Variants in FRMD3 observed in about 807,000 individuals in gnomAD.
FRMD3 encodes the protein FERM domain-containing protein 3.
FRMD3 carries 33 observed loss-of-function variants against 70.2 expected under a neutral mutation model. The observed-to-expected ratio is 0.47, with a 90% CI of 0.36 to 0.63. The LOEUF (loss-of-function observed/expected upper bound fraction) is 0.63, where lower values mean the gene tolerates loss of function less well. Ranked by LOEUF, FRMD3 falls within the 20% of genes least tolerant of loss-of-function variation. The probability of loss-of-function intolerance (pLI) is 0.00; values close to 1 mark genes in which losing one functional copy is unlikely to be tolerated. For missense variants in FRMD3, 632 were observed against 711.4 expected (o/e 0.89, Z 1.27); for synonymous variants, 279 against 255.9 (o/e 1.09, Z -0.86).
chr9:83,245,523 T>C lies in FRMD3; in HGVS notation c.*2395A>G. 1 of 973,236 alleles carries C rather than the reference T, an allele frequency of 1.0e-6. No homozygotes were observed. The highest frequency in any genetic ancestry group is 1.2e-6 in the Non-Finnish European group (1 of 818,850). The allele number at this position is 973,236 out of a possible 1,614,324, so 60.3% of individuals were successfully genotyped here. A position where few individuals can be genotyped will look rare whatever the true frequency, so the allele number is the denominator to read the frequency against. ...GTTTCCACCTAAGAGAAAAGAGATG[T>C]TAGCTGGAAATGTTAAAATAATATA... On this transcript the variant is annotated 3_prime_UTR_variant, in exon 14 of 14. Transcript: ENST00000304195.
intron 1 of FRMD3, among the ~76,000 whole-genome samples, chr9:83,400,929 A>T (rs1406866198): frequency 6.6e-6 from 1 of 152,118 alleles, no homozygotes. Context: ...ATAGTCTGTG[A>T]TCTGGAATAT....
chr9:83,491,658 C>T (rs1420498135), intron 1 of FRMD3, among the ~76,000 whole-genome samples: 3 of 152,180 alleles, frequency 2.0e-5, no homozygotes, highest in Non-Finnish European at 4.4e-5. Context: ...CACAAAAATC[C>T]TCACAGGGCC....
chr9:83,306,303 C>T lies in FRMD3; in HGVS notation c.926+3233G>A, dbSNP rs147079381. ...ACCCCCTCCCATAGGTCTGTCTGCA[C>T]GTAAAGAATGATCAACCACACCTAC... On this transcript the variant is annotated intron_variant, in intron 10 of 13. Transcript: ENST00000304195. Among the ~76,000 whole-genome samples the T allele has an allele frequency of 2.0e-3, 311 of 152,252 alleles. 1 individual carries two copies. The highest frequency in any genetic ancestry group is 7.2e-3 in the African/African-American group (299 of 41,544).
upstream of FRMD3, among the ~76,000 whole-genome samples, chr9:83,539,704 C>T (rs1399174286): frequency 3.3e-5 from 5 of 152,176 alleles, no homozygotes; most frequent in Admixed American, 6.5e-5. Context: ...GGACTTCTCT[C>T]TCTGCCTGCT....
intron 1 of FRMD3, among the ~76,000 whole-genome samples, chr9:83,494,052 C>A (rs1828887014): frequency 6.6e-6 from 1 of 152,208 alleles, no homozygotes; most frequent in Non-Finnish European, 1.5e-5. Flanking sequence ...GCTGGAAAAA[C>A]CAAATAGCCA....
At chr9:83,489,786 GTTA>G (rs1483046273) in intron 1 of FRMD3, among the ~76,000 whole-genome samples, 1 of 152,170 alleles carries the variant, frequency 6.6e-6, no homozygotes, top group Non-Finnish European at 1.5e-5. Flanking sequence ...TTTAATAGCT[GTTA>G]TTCCCTGCCA....
intron 3 of FRMD3, among the ~76,000 whole-genome samples, chr9:83,363,801 A>T (rs7869978): frequency 6.6e-6 from 1 of 151,864 alleles, no homozygotes; most frequent in Non-Finnish European, 1.5e-5. Context: ...TGATCCGCCC[A>T]CCTTGGCCTC....
At chr9:83,577,119 G>A in the FRMD3 span, among the ~76,000 whole-genome samples, 1 of 152,006 alleles carries the variant, frequency 6.6e-6, no homozygotes, top group Non-Finnish European at 1.5e-5. Flanking sequence ...TTGATATATT[G>A]GAAGAATATT....
chr9:83,359,595 C>T (rs1341356563), intron 3 of FRMD3, among the ~76,000 whole-genome samples: 2 of 152,166 alleles, frequency 1.3e-5, no homozygotes, highest in African/African-American at 4.8e-5. Flanking sequence ...GAAGCAGCCA[C>T]CACCAATACA....
chr9:83,347,593 C>A (rs1022265492), intron 4 of FRMD3, among the ~76,000 whole-genome samples: 1 of 152,122 alleles, frequency 6.6e-6, no homozygotes, highest in East Asian at 1.9e-4. Flanking sequence ...TTTCAAATAT[C>A]ACTTTTGTGG....
rs866767363 is a variant in FRMD3 at position 83,255,565 on chromosome 9, C to G, written c.1196-7049G>C. 6.6e-5 allele frequency among the ~76,000 whole-genome samples: 10 copies of G among 152,104 alleles called. No individual in the cohort carries two copies. In the South Asian group the frequency reaches 2.1e-3, roughly 31 times the overall value. On this transcript the variant is annotated intron_variant, in intron 13 of 13. Transcript: ENST00000304195. Reference sequence around the variant, plus strand: ...GCAAGAGAAAGAAATAAAGCGTATTCAAGTATGAAGAGAGGAAGTCAAATT... The same window carrying G: ...GCAAGAGAAAGAAATAAAGCGTATTGAAGTATGAAGAGAGGAAGTCAAATT...
the FRMD3 span, among the ~76,000 whole-genome samples, chr9:83,569,738 C>T: frequency 7.9e-5 from 12 of 152,278 alleles, no homozygotes; most frequent in South Asian, 6.2e-4. Flanking sequence ...GTTTTCAAAA[C>T]GGCTACAATT....
intron 13 of FRMD3, among the ~76,000 whole-genome samples, chr9:83,284,453 C>T (rs977481707): frequency 2.6e-5 from 4 of 152,122 alleles, no homozygotes; most frequent in African/African-American, 9.7e-5. Context: ...ACCAAAAATA[C>T]AAAAATTAGC....
intron 1 of FRMD3, among the ~76,000 whole-genome samples, chr9:83,514,898 A>G (rs1038660320): frequency 2.0e-5 from 3 of 152,240 alleles, no homozygotes; most frequent in Non-Finnish European, 2.9e-5. Context: ...AAAACTAACA[A>G]ACAGAAAGCA....
intron 13 of FRMD3, among the ~76,000 whole-genome samples, chr9:83,274,015 C>T (rs1833709588): frequency 6.6e-6 from 1 of 152,130 alleles, no homozygotes; most frequent in African/African-American, 2.4e-5. Context: ...GAGACGGCAT[C>T]TCACTAGGTT....
chr9:83,533,798 T>G (rs1829837039), intron 1 of FRMD3, among the ~76,000 whole-genome samples: 1 of 152,242 alleles, frequency 6.6e-6, no homozygotes, highest in African/African-American at 2.4e-5. Context: ...GTGTTCCTAC[T>G]GTATGCAAAG....
intron 1 of FRMD3, among the ~76,000 whole-genome samples, chr9:83,427,373 T>C (rs7019130): frequency 0.48 from 73,318 of 152,058 alleles, 18,583 homozygotes; most frequent in African/African-American, 0.66. Context: ...CCATGTGCTC[T>C]TTATAGAGGT....
At chr9:83,500,997 T>TTTA (rs1829056037) in intron 1 of FRMD3, among the ~76,000 whole-genome samples, 1 of 152,208 alleles carries the variant, frequency 6.6e-6, no homozygotes, top group East Asian at 1.9e-4. Flanking sequence ...ATATGCGAAA[T>TTTA]ACATTATGTC....
chr9:83,446,927 C>G (rs1045087529), intron 1 of FRMD3, among the ~76,000 whole-genome samples: 4 of 152,184 alleles, frequency 2.6e-5, no homozygotes, highest in African/African-American at 7.2e-5. Flanking sequence ...ACAAATTACA[C>G]CTTCCTCCCA....
Sources: gnomAD v4.1 joint callset for allele counts (sites outside exome capture counted in the v4.1 genomes callset) on GRCh38, gnomAD v4.1.1 for gene constraint, MANE v1.5 for transcripts, NCBI Gene and HGNC (gene_info 2026-07-23, HGNC 2026-07-21) for gene names.